Variants in TTYH1 observed in about 807,000 individuals in gnomAD.
TTYH1 encodes tweety family member 1, also known as protein tweety homolog 1.
A neutral mutation model predicts 61.2 loss-of-function variants in TTYH1; 33 were observed. That is an observed-to-expected ratio of 0.54 (90% confidence interval 0.41 to 0.72). The LOEUF is 0.72. Ranked by LOEUF, TTYH1 falls within the 30% of genes least tolerant of loss-of-function variation. The probability of loss-of-function intolerance (pLI) is 0.00; values close to 1 mark genes in which losing one functional copy is unlikely to be tolerated. For missense variants in TTYH1, 538 were observed against 575.8 expected (o/e 0.93, Z 0.67); for synonymous variants, 308 against 266.4 (o/e 1.16, Z -1.52).
At chr19:54,435,420 C>T (rs1444240548) in intron 10 of TTYH1, 122 bp from the exon 11 acceptor site, 1 of 1,234,690 alleles carries the variant, frequency 8.1e-7, no homozygotes, top group Non-Finnish European at 1.1e-6. Context: ...GAAACTGAGG[C>T]ACAGAGTGGT....
At chr19:54,422,152 G>C (rs964389396) in intron 3 of TTYH1, 38 bp from the exon 4 acceptor site, 2 of 1,510,118 alleles carry the variant, frequency 1.3e-6, no homozygotes, top group Non-Finnish European at 1.8e-6. Flanking sequence ...CTCCCCCCAG[G>C]ATGTCCTTCC....
chr19:54,416,269 GTCAGGGCGC>G lies in TTYH1; in HGVS notation c.126+593_126+601del. The G allele has an allele frequency of 3.0e-6, 1 of 332,824 alleles. No homozygotes were observed. Among genetic ancestry groups the G allele is most frequent in the Non-Finnish European group, 6.2e-6 (1 of 161,374 alleles). 20.6% of individuals were successfully genotyped at this position (332,824 alleles called of 1,614,324 possible). ...TGCCCGTCCCAAGAAAGAAGGGGTGGTCAGGGCGCTGCAGGGGTGAGGGCCGAGATGAGG... is the reference window on the plus strand; with the variant it reads ...TGCCCGTCCCAAGAAAGAAGGGGTGGTGCAGGGGTGAGGGCCGAGATGAGG... On this transcript the variant is annotated intron_variant, in intron 1 of 13. Transcript: ENST00000376530. This position sits in a 1 kb window ranked among gnomAD's most constrained non-coding sequence, Gnocchi z 7.0.
rs1208843761 is a variant in TTYH1, at chr19:54,420,495, G to A, written c.306-782G>A. Among the ~76,000 whole-genome samples, 1 of 151,888 alleles carries A rather than the reference G, an allele frequency of 6.6e-6. No individual in the cohort carries two copies. Among genetic ancestry groups the A allele is most frequent in the East Asian group, 1.9e-4 (1 of 5,152 alleles). ...GGGATGGGGGTGGAGGCCCAGCCGG[G>A]GCTGGGAACCGGGAGGGTGTCAGGC... is the stretch of plus-strand genomic sequence containing the variant. On this transcript the variant is annotated intron_variant, in intron 2 of 13. Coordinates refer to ENST00000376530, the MANE Select transcript of TTYH1 (RefSeq NM_020659.4). The surrounding 1 kb of genome is among the most constrained non-coding windows in gnomAD (Gnocchi z 4.8).
In TTYH1 at chr19:54,415,610, C is replaced by T. The variant is rs767544004; in HGVS notation, c.58C>T (p.Pro20Ser). 6.4e-7 allele frequency: 1 copy of T among 1,558,582 alleles called. No homozygotes were observed. The highest frequency in any genetic ancestry group is 8.6e-7 in the Non-Finnish European group (1 of 1,159,560). The change falls in exon 1 of 14, where the codon CCC (proline) becomes TCC (serine). Residue 20 changes from proline (P) to serine (S), a missense_variant. Pro to Ser is a moderately conservative substitution (Grantham distance 74). Coordinates refer to ENST00000376530, the MANE Select transcript of TTYH1 (RefSeq NM_020659.4). This position sits in a 1 kb window ranked among gnomAD's most constrained non-coding sequence, Gnocchi z 5.2. ...TTGGGTGCATCTCCTCCACCAGCTG[C>T]CCCGCGCCGACTTCCAGCTCCGCCC... The part of the protein sequence containing the change: ...SAWVHLLHQL[P>S]RADFQLRPVP...
chr19:54,420,872 G>C lies in TTYH1; in HGVS notation c.306-405G>C, dbSNP rs2083200511. ...CCCCAAGGACCCTAGGGCACCCTAG[G>C]ACAGGTGCCAGGAGGGCTGCCTGCC... On this transcript the variant is annotated intron_variant, in intron 2 of 13. Coordinates refer to ENST00000376530, the MANE Select transcript of TTYH1 (RefSeq NM_020659.4). The surrounding 1 kb of genome is among the most constrained non-coding windows in gnomAD (Gnocchi z 4.8). 3.5e-6 allele frequency: 1 copy of C among 289,168 alleles called. No homozygotes were observed. The highest frequency in any genetic ancestry group is 4.3e-5 in the Admixed American group (1 of 23,328). 17.9% of individuals were successfully genotyped at this position (289,168 alleles called of 1,614,324 possible).
Position 54,420,171 on chromosome 19 carries a change from GC to G in TTYH1, c.305+870del, listed in dbSNP as rs888726001. ...CTACCAAGAACGAGCTCTGAGCACAGCCCCCTCCCCGGCAGGGCAGCACCCA... is the reference window on the plus strand; with the variant it reads ...CTACCAAGAACGAGCTCTGAGCACAGCCCCTCCCCGGCAGGGCAGCACCCA... On this transcript the variant is annotated intron_variant, in intron 2 of 13. Transcript: ENST00000376530. This position sits in a 1 kb window ranked among gnomAD's most constrained non-coding sequence, Gnocchi z 4.8. 2.6e-5 allele frequency among the ~76,000 whole-genome samples: 4 copies of G among 152,290 alleles called. No individual in the cohort carries two copies. Among genetic ancestry groups the G allele is most frequent in the South Asian group, 4.2e-4 (2 of 4,816 alleles).
chr19:54,424,160 TAA>T (rs749144637), intron 4 of TTYH1, among the ~76,000 whole-genome samples: 1 of 139,076 alleles, frequency 7.2e-6, no homozygotes, highest in Non-Finnish European at 1.6e-5. Context: ...GAATCCGTCT[TAA>T]AAAAAAAAAA....
Position 54,430,579 on chromosome 19 carries a change from C to T in TTYH1, c.913C>T (p.Arg305Trp), listed in dbSNP as rs1241043067. The T allele has an allele frequency of 6.2e-7, 1 of 1,612,620 alleles. No individual in the cohort carries two copies. Among genetic ancestry groups the T allele is most frequent in the Admixed American group, 1.7e-5 (1 of 59,918 alleles). The change falls in exon 8 of 14, where the codon CGG becomes TGG. Residue 305 changes from arginine (R) to tryptophan (W), a missense_variant. By Grantham distance (101) the Arg-to-Trp change is moderately radical. Transcript: ENST00000376530. Reference sequence around the variant, plus strand: ...CCTGAGCTATTATCTCCTCTGCAACCGGGCCGTCTCCAACCCCTTCCAACA... The same window carrying T: ...CCTGAGCTATTATCTCCTCTGCAACTGGGCCGTCTCCAACCCCTTCCAACA... ...DILSYYLLCN[R>W]AVSNPFQQRL...
Position 54,419,967 on chromosome 19 carries a change from C to T in TTYH1, c.305+661C>T, listed in dbSNP as rs765305926. Among the ~76,000 whole-genome samples, 1 of 152,152 alleles carries T rather than the reference C, an allele frequency of 6.6e-6. No homozygotes were observed. Among genetic ancestry groups the T allele is most frequent in the South Asian group, 2.1e-4 (1 of 4,828 alleles). ...GGTCTAATTCCTTCTCACAATAATGCTGCTGGATTCAGGGGTGTCAGGCCC... is the reference window on the plus strand; with the variant it reads ...GGTCTAATTCCTTCTCACAATAATGTTGCTGGATTCAGGGGTGTCAGGCCC... On this transcript the variant is annotated intron_variant, in intron 2 of 13. Transcript: ENST00000376530. This position sits in a 1 kb window ranked among gnomAD's most constrained non-coding sequence, Gnocchi z 6.1.
chr19:54,416,967 G>A lies in TTYH1; in HGVS notation c.126+1289G>A, dbSNP rs184183719. On this transcript the variant is annotated intron_variant, in intron 1 of 13. Transcript: ENST00000376530. The surrounding 1 kb of genome is among the most constrained non-coding windows in gnomAD (Gnocchi z 7.0). The stretch of plus-strand genomic sequence containing the variant: ...CCTCACTCCGCCCCCACGGTCGGGG[G>A]TCAGGGTCAGGGTGGCAGGGATGCG... The A allele has an allele frequency of 4.6e-5, 57 of 1,226,664 alleles. No homozygotes were observed. The highest frequency in any genetic ancestry group is 5.8e-5 in the Non-Finnish European group (56 of 958,808). 76.0% of individuals were successfully genotyped at this position (1,226,664 alleles called of 1,614,324 possible).
chr19:54,427,624 A>AC lies in TTYH1; in HGVS notation c.734+856_734+857insC, dbSNP rs2083354164. 2.1e-3 allele frequency among the ~76,000 whole-genome samples: 266 copies of AC among 126,368 alleles called. 1 individual carries two copies. Among genetic ancestry groups the AC allele is most frequent in the African/African-American group, 6.5e-3 (238 of 36,884 alleles). The allele number at this position is 126,368 out of a possible 152,430, so 82.9% of individuals were successfully genotyped here. On this transcript the variant is annotated intron_variant, in intron 5 of 13. Coordinates refer to ENST00000376530, the MANE Select transcript of TTYH1 (RefSeq NM_020659.4). ...ATTTCAAAAACAACAACAACAAAAA[A>AC]AAAAAACAGATGAGGATGATGATCT...
In TTYH1 at chr19:54,419,046, AC is replaced by A. The variant is rs2083147064; in HGVS notation, c.127-76del. The A allele has an allele frequency of 9.2e-6, 13 of 1,411,710 alleles. No homozygotes were observed. Among genetic ancestry groups the A allele is most frequent in the African/African-American group, 1.4e-5 (1 of 69,444 alleles). 87.4% of individuals were successfully genotyped at this position (1,411,710 alleles called of 1,614,324 possible). A position where few individuals can be genotyped will look rare whatever the true frequency, so the allele number is the denominator to read the frequency against. On this transcript the variant is annotated intron_variant, in intron 1 of 13. Transcript: ENST00000376530. The surrounding 1 kb of genome is among the most constrained non-coding windows in gnomAD (Gnocchi z 6.1). ...CTTCACTCTGACATCCCAGACCCCG[AC>A]CCCCCAGCCACGCAGGAAGGGGGAT... is the stretch of plus-strand genomic sequence containing the variant.
chr19:54,436,156 C>G lies in TTYH1; in HGVS notation c.*27C>G. On this transcript the variant is annotated 3_prime_UTR_variant, in exon 13 of 14. Transcript: ENST00000376530. This position sits in a 1 kb window ranked among gnomAD's most constrained non-coding sequence, Gnocchi z 4.3. ...CCCCTCCTCCCGGCTGGACTGGAGC[C>G]TGGCTCCCCTCTTCGGTGAGCTTCC... 1 of 1,614,098 alleles carries G rather than the reference C, an allele frequency of 6.2e-7. No individual in the cohort carries two copies. Among genetic ancestry groups the G allele is most frequent in the Non-Finnish European group, 8.5e-7 (1 of 1,179,968 alleles).
Position 54,416,333 on chromosome 19 carries a change from C to G in TTYH1, c.126+655C>G. 1 of 252,070 alleles carries G rather than the reference C, an allele frequency of 4.0e-6. No individual in the cohort carries two copies. Among genetic ancestry groups the G allele is most frequent in the Non-Finnish European group, 8.2e-6 (1 of 122,608 alleles). 15.6% of individuals were successfully genotyped at this position (252,070 alleles called of 1,614,324 possible). A position where few individuals can be genotyped will look rare whatever the true frequency, so the allele number is the denominator to read the frequency against. On this transcript the variant is annotated intron_variant, in intron 1 of 13. Transcript: ENST00000376530. The surrounding 1 kb of genome is among the most constrained non-coding windows in gnomAD (Gnocchi z 7.0). Reference sequence around the variant, plus strand: ...GTTTGGGGAGCCTCGGGATGACAGACCCGGGTCCCGAGGGTGGGGCCGGTG... The same window carrying G: ...GTTTGGGGAGCCTCGGGATGACAGAGCCGGGTCCCGAGGGTGGGGCCGGTG...
At chr19:54,418,859 C>T (rs2083143566) in intron 1 of TTYH1, 3 of 415,420 alleles carry the variant, frequency 7.2e-6, no homozygotes, top group South Asian at 8.3e-5. Context: ...CTAAAGATTG[C>T]ACAGCCAATG....
At chr19:54,426,900 C>A in intron 5 of TTYH1, 132 bp downstream of exon 5, 1 of 751,342 alleles carries the variant, frequency 1.3e-6, no homozygotes, top group Non-Finnish European at 2.2e-6. Flanking sequence ...AAAAGAGAGT[C>A]AGAGCAGCCC....
chr19:54,415,989 C>T lies in TTYH1; in HGVS notation c.126+311C>T. ...GGTGTCTGATACCTGCCTGGGAAGC[C>T]GGCCTCCAGGGTCATCGGGAGGGTA... On this transcript the variant is annotated intron_variant, in intron 1 of 13. Transcript: ENST00000376530. The surrounding 1 kb of genome is among the most constrained non-coding windows in gnomAD (Gnocchi z 5.2). 7.6e-7 allele frequency: 1 copy of T among 1,314,832 alleles called. No individual in the cohort carries two copies. The highest frequency in any genetic ancestry group is 1.3e-5 in the South Asian group (1 of 79,000). The allele number at this position is 1,314,832 out of a possible 1,614,324, so 81.4% of individuals were successfully genotyped here. A position where few individuals can be genotyped will look rare whatever the true frequency, so the allele number is the denominator to read the frequency against.
At chr19:54,431,261 TC>T in intron 10 of TTYH1, 70 bp downstream of exon 10, 1 of 1,066,080 alleles carries the variant, frequency 9.4e-7, no homozygotes, top group Non-Finnish European at 1.5e-6. Flanking sequence ...AACTACCTCC[TC>T]CTTCTCCTTG....
At position 54,415,936 on chromosome 19, in the gene TTYH1, G is replaced by A. The variant is rs2083068159; in HGVS notation, c.126+258G>A. ...GGACCTGCACCCCTGAGTTCATGGA[G>A]AGGAGGGGAGGGGGGCCCGGATTCC... On this transcript the variant is annotated intron_variant, in intron 1 of 13. Coordinates refer to ENST00000376530, the MANE Select transcript of TTYH1 (RefSeq NM_020659.4). The surrounding 1 kb of genome is among the most constrained non-coding windows in gnomAD (Gnocchi z 5.2). The A allele has an allele frequency of 2.1e-6, 2 of 936,332 alleles. No individual in the cohort carries two copies. The highest frequency in any genetic ancestry group is 3.2e-6 in the Non-Finnish European group (2 of 631,914). The allele number at this position is 936,332 out of a possible 1,614,324, so 58.0% of individuals were successfully genotyped here.
Sources: gnomAD v4.1 joint callset for allele counts (sites outside exome capture counted in the v4.1 genomes callset) on GRCh38, gnomAD v4.1.1 for gene constraint, Gnocchi (gnomAD v3.1) non-coding constraint, MANE v1.5 for transcripts, NCBI Gene and HGNC (gene_info 2026-07-23, HGNC 2026-07-21) for gene names.